The following GAPVD1 variants were observed in gnomAD, a reference collection of about 807,000 sequenced individuals.
GAPVD1 encodes the protein GTPase-activating protein and VPS9 domain-containing protein 1.
A neutral mutation model predicts 155.5 loss-of-function variants in GAPVD1; 35 were observed. The ratio of observed to expected loss-of-function variants is 0.23; its 90% CI spans 0.17 to 0.30. The LOEUF (loss-of-function observed/expected upper bound fraction) is 0.30. Ranked by LOEUF, GAPVD1 falls within the 10% of genes least tolerant of loss-of-function variation. The pLI is 1.00. For synonymous variants in GAPVD1, 636 were observed against 619.7 expected (o/e 1.03, Z -0.39); for missense variants, 1,429 against 1,775.7 (o/e 0.80, Z 3.51).
chr9:125,344,401 C>T (rs1377366692), intron 19 of GAPVD1, among the ~76,000 whole-genome samples: 1 of 152,100 alleles, frequency 6.6e-6, no homozygotes, highest in Non-Finnish European at 1.5e-5. Context: ...ATAAAATAAT[C>T]TGTCATGGTT....
At chr9:125,268,534 C>G (rs1834361074) in intron 1 of GAPVD1, among the ~76,000 whole-genome samples, 1 of 121,550 alleles carries the variant, frequency 8.2e-6, no homozygotes, top group Non-Finnish European at 1.6e-5. Flanking sequence ...AGGTCTTGGT[C>G]TGTCATGCAG....
At position 125,360,742 on chromosome 9, in the gene GAPVD1, T is replaced by C. The variant is rs376980016; in HGVS notation, c.4242+17T>C. 4.4e-5 allele frequency: 70 copies of C among 1,593,816 alleles called. No individual in the cohort carries two copies. In the African/African-American group the frequency reaches 8.6e-4, roughly 20 times the overall value. ...TTGATAAAGGTGGGCCCCTTACTAC[T>C]ATCAGTTAAGGAGTTATGTGGCATT... is the stretch of plus-strand genomic sequence containing the variant. On this transcript the variant is annotated intron_variant, in intron 27 of 27. Coordinates refer to ENST00000297933, the MANE Select transcript of GAPVD1 (RefSeq NM_001282680.3).
At chr9:125,347,324 C>T (rs987998519) in intron 20 of GAPVD1, among the ~76,000 whole-genome samples, 1 of 152,144 alleles carries the variant, frequency 6.6e-6, no homozygotes, top group African/African-American at 2.4e-5. Flanking sequence ...CCATTGTCAC[C>T]TGGTACTTAT....
chr9:125,337,222 G>C lies in GAPVD1; in HGVS notation c.2508G>C (p.Gly836=). 1 of 1,613,634 alleles carries C rather than the reference G, an allele frequency of 6.2e-7. No individual in the cohort carries two copies. The highest frequency in any genetic ancestry group is 8.5e-7 in the Non-Finnish European group (1 of 1,179,684). The change falls in exon 17 of 28, where the codon GGG becomes GGC. Residue 836 remains glycine, a splice_region_variant and synonymous_variant. Coordinates refer to ENST00000297933, the MANE Select transcript of GAPVD1 (RefSeq NM_001282680.3). The part of the protein sequence containing the change: ...AMFDPLSSHE[G]ASAVVRPKVH... ...AAAACTTTTTTTCCTGTGTTGCAGG[G>C]GCTTCTGCTGTGGTAAGGCCAAAGG...
intron 2 of GAPVD1, among the ~76,000 whole-genome samples, chr9:125,293,900 ATAT>A (rs1449923393): frequency 6.7e-5 from 7 of 104,002 alleles, no homozygotes; most frequent in Non-Finnish European, 1.1e-4. Flanking sequence ...ATATATATAT[ATAT>A]AAGTTTTTGT....
chr9:125,310,926 G>A (rs1170364839), intron 8 of GAPVD1, among the ~76,000 whole-genome samples: 2 of 150,676 alleles, frequency 1.3e-5, no homozygotes, highest in East Asian at 3.9e-4. Context: ...TGCAACCTCC[G>A]CCTCCCGGGT....
intron 19 of GAPVD1, chr9:125,346,192 A>C (rs1350406685): frequency 1.3e-5 from 2 of 153,130 alleles, no homozygotes; most frequent in Non-Finnish European, 2.9e-5. Context: ...TCTCAGGTAC[A>C]ATTCCAGCAC....
chr9:125,270,644 A>G (rs1445014721), intron 2 of GAPVD1, among the ~76,000 whole-genome samples: 1 of 151,972 alleles, frequency 6.6e-6, no homozygotes, highest in Non-Finnish European at 1.5e-5. Flanking sequence ...TTTAATATAT[A>G]TATAAGTGAA....
intron 2 of GAPVD1, among the ~76,000 whole-genome samples, chr9:125,284,691 C>T (rs1837358710): frequency 6.6e-6 from 1 of 152,082 alleles, no homozygotes; most frequent in African/African-American, 2.4e-5. Flanking sequence ...TAGGCAGTGT[C>T]ATTGTGTAAA....
intron 15 of GAPVD1, among the ~76,000 whole-genome samples, chr9:125,335,658 A>T (rs1405018664): frequency 6.6e-6 from 1 of 152,156 alleles, no homozygotes; most frequent in Non-Finnish European, 1.5e-5. Flanking sequence ...CCCTGGTGAC[A>T]GAGTGAGACT....
intron 11 of GAPVD1, among the ~76,000 whole-genome samples, chr9:125,324,384 A>G (rs1288005411): frequency 6.6e-6 from 1 of 152,184 alleles, no homozygotes; most frequent in East Asian, 1.9e-4. Context: ...TGAGGTCGGG[A>G]GTTCAAGACC....
chr9:125,290,102 T>C (rs981049698), intron 2 of GAPVD1, among the ~76,000 whole-genome samples: 4 of 152,138 alleles, frequency 2.6e-5, no homozygotes. Flanking sequence ...TGAACACTAG[T>C]AGTTTTGAGT....
intron 14 of GAPVD1, 125 bp downstream of exon 14, chr9:125,332,185 CTT>C (rs1846193133): frequency 1.0e-6 from 1 of 961,134 alleles, no homozygotes; most frequent in Non-Finnish European, 1.5e-6. Context: ...AGAAAACAAA[CTT>C]ATTTCCATTG....
intron 2 of GAPVD1, among the ~76,000 whole-genome samples, chr9:125,283,005 T>G (rs1837027037): frequency 6.6e-6 from 1 of 151,712 alleles, no homozygotes; most frequent in African/African-American, 2.4e-5. Flanking sequence ...GAATTCTAGC[T>G]GTTACTTAAA....
intron 3 of GAPVD1, among the ~76,000 whole-genome samples, chr9:125,296,032 A>G (rs1839795220): frequency 1.3e-5 from 2 of 152,212 alleles, no homozygotes; most frequent in Admixed American, 1.3e-4. Context: ...CTAACATACA[A>G]AAACCATTGA....
At position 125,350,838 on chromosome 9, in the gene GAPVD1, A is replaced by G. The variant is rs550411008; in HGVS notation, c.3535A>G (p.Arg1179Gly). 2.5e-6 allele frequency: 4 copies of G among 1,613,958 alleles called. No homozygotes were observed. In the African/African-American group the frequency reaches 5.3e-5, roughly 22 times the overall value. Residue 1179 changes from arginine (R) to glycine (G), a missense_variant, in exon 23 of 28, where the codon AGG becomes GGG. By Grantham distance (125) the Arg-to-Gly change is moderately radical. Transcript: ENST00000297933. ...GTGCCGTTTTGATAATAGGACTTGT[A>G]GGAAACTGCTGGCTTCGATTGCTGA... ...CVCRFDNRTC[R>G]KLLASIAEDY...
chr9:125,362,400 G>C (rs1229615361), intron 27 of GAPVD1, among the ~76,000 whole-genome samples: 1 of 152,158 alleles, frequency 6.6e-6, no homozygotes, highest in Non-Finnish European at 1.5e-5. Context: ...GATTAGCTGA[G>C]ATTAGAACCT....
chr9:125,287,336 G>A (rs1014410127), intron 2 of GAPVD1, among the ~76,000 whole-genome samples: 1 of 152,120 alleles, frequency 6.6e-6, no homozygotes, highest in African/African-American at 2.4e-5. Flanking sequence ...TCAGGAGTTT[G>A]AGACCAGCTT....
At chr9:125,286,234 C>T (rs183561888) in intron 2 of GAPVD1, among the ~76,000 whole-genome samples, 209 of 152,320 alleles carry the variant, frequency 1.4e-3, no homozygotes, top group Non-Finnish European at 2.4e-3. Flanking sequence ...CCACTTCAGC[C>T]TCCCAAGCAG....
Sources: gnomAD v4.1 joint callset for allele counts (sites outside exome capture counted in the v4.1 genomes callset) on GRCh38, gnomAD v4.1.1 for gene constraint, MANE v1.5 for transcripts, NCBI Gene and HGNC (gene_info 2026-07-23, HGNC 2026-07-21) for gene names.